Variants in ANKS1B observed in about 807,000 individuals in gnomAD.
ANKS1B encodes the protein ankyrin repeat and sterile alpha motif domain containing 1B.
A neutral mutation model predicts 148.3 loss-of-function variants in ANKS1B; 36 were observed. The observed-to-expected ratio is 0.24, with a 90% CI of 0.19 to 0.32. The LOEUF (loss-of-function observed/expected upper bound fraction) is 0.32. Among genes scored for constraint, ANKS1B ranks in the 10% least tolerant of loss-of-function variants. The probability of loss-of-function intolerance (pLI) is 1.00; values close to 1 mark genes in which losing one functional copy is unlikely to be tolerated. For synonymous variants in ANKS1B, 542 were observed against 560.8 expected, an observed-to-expected ratio of 0.97 and a Z score of 0.47; for missense variants, 1,157 against 1,542.6, an observed-to-expected ratio of 0.75 and a Z score of 4.19.
At chr12:99,194,167 T>C (rs1184452968) in intron 14 of ANKS1B, among the ~76,000 whole-genome samples, 1 of 152,252 alleles carries the variant, frequency 6.6e-6, no homozygotes, top group Non-Finnish European at 1.5e-5. Flanking sequence ...AATACATTTA[T>C]TCATGGGAAT....
At chr12:99,971,746 A>AT (rs1039106761) in intron 1 of ANKS1B, among the ~76,000 whole-genome samples, 20 of 152,168 alleles carry the variant, frequency 1.3e-4, no homozygotes, top group Admixed American at 7.2e-4. Flanking sequence ...TTGCAACACA[A>AT]TTTTTTTAAA....
intron 10 of ANKS1B, among the ~76,000 whole-genome samples, chr12:99,490,337 C>T (rs907636766): frequency 1.3e-5 from 2 of 152,228 alleles, no homozygotes; most frequent in African/African-American, 4.8e-5. Context: ...GAATTCTTAT[C>T]TCCTTCAACA....
chr12:99,462,894 A>T (rs905631845), intron 10 of ANKS1B, among the ~76,000 whole-genome samples: 2 of 152,144 alleles, frequency 1.3e-5, no homozygotes, highest in Non-Finnish European at 2.9e-5. Flanking sequence ...ATCATGTGAT[A>T]TGCCTTCTCC....
At chr12:99,891,522 C>T (rs969463834) in intron 1 of ANKS1B, among the ~76,000 whole-genome samples, 2 of 151,942 alleles carry the variant, frequency 1.3e-5, no homozygotes, top group South Asian at 4.2e-4. Context: ...GCCCGGCCCT[C>T]GTTGTGATTT....
intron 11 of ANKS1B, among the ~76,000 whole-genome samples, chr12:99,422,730 A>C (rs546067165): frequency 6.6e-6 from 1 of 152,306 alleles, no homozygotes; most frequent in South Asian, 2.1e-4. Flanking sequence ...AATCGAATAA[A>C]ATTTGCATAG....
chr12:98,849,345 T>A (rs2099508874), intron 17 of ANKS1B, among the ~76,000 whole-genome samples: 1 of 152,202 alleles, frequency 6.6e-6, no homozygotes, highest in Non-Finnish European at 1.5e-5. Flanking sequence ...AGGAAAATTA[T>A]GAGCAGAGGT....
At chr12:99,463,051 C>T (rs1265890713) in intron 10 of ANKS1B, among the ~76,000 whole-genome samples, 1 of 152,160 alleles carries the variant, frequency 6.6e-6, no homozygotes. Flanking sequence ...TATTCCTTTA[C>T]AGCAATACAA....
intron 10 of ANKS1B, among the ~76,000 whole-genome samples, chr12:99,445,509 G>A (rs1370271544): frequency 1.3e-5 from 2 of 151,768 alleles, no homozygotes; most frequent in Non-Finnish European, 2.9e-5. Context: ...ATAAACTTTG[G>A]GTGATAATGA....
chr12:98,798,781 A>G, intron 22 of ANKS1B, 153 bp downstream of exon 22: 1 of 532,940 alleles, frequency 1.9e-6, no homozygotes, highest in Admixed American at 3.6e-5. Flanking sequence ...AAGCATAAAC[A>G]TGCAGAAAGC....
chr12:99,514,541 G>A (rs1304487255), intron 9 of ANKS1B, among the ~76,000 whole-genome samples: 3 of 151,998 alleles, frequency 2.0e-5, no homozygotes, highest in Admixed American at 1.3e-4. Context: ...TCCAGCCAAT[G>A]CTACTATCAC....
At chr12:98,970,982 C>T (rs1277677259) in intron 17 of ANKS1B, among the ~76,000 whole-genome samples, 2 of 152,152 alleles carry the variant, frequency 1.3e-5, no homozygotes, top group Non-Finnish European at 2.9e-5. Context: ...CCTCCCCCCA[C>T]CCCAAATTTC....
chr12:99,743,891 T>C (rs2060346465), intron 8 of ANKS1B, among the ~76,000 whole-genome samples: 1 of 152,200 alleles, frequency 6.6e-6, no homozygotes, highest in African/African-American at 2.4e-5. Flanking sequence ...TGAAAAAAGC[T>C]TCATACATCT....
At chr12:98,877,018 C>A (rs2099692816) in intron 17 of ANKS1B, among the ~76,000 whole-genome samples, 1 of 152,128 alleles carries the variant, frequency 6.6e-6, no homozygotes, top group South Asian at 2.1e-4. Flanking sequence ...GCATATATAG[C>A]TAAATTATGC....
chr12:99,159,861 C>T (rs1428951296), intron 14 of ANKS1B, among the ~76,000 whole-genome samples: 2 of 152,124 alleles, frequency 1.3e-5, no homozygotes, highest in Admixed American at 6.5e-5. Context: ...GTATAAGTGT[C>T]CCTTTCTTCT....
chr12:98,811,595 G>A (rs992484717), intron 19 of ANKS1B, among the ~76,000 whole-genome samples: 8 of 152,136 alleles, frequency 5.3e-5, no homozygotes, highest in Non-Finnish European at 1.2e-4. Context: ...TGGAGAGCAC[G>A]GGAATGCATT....
At chr12:99,369,632 T>TC (rs1357894301) in intron 12 of ANKS1B, among the ~76,000 whole-genome samples, 2 of 151,920 alleles carry the variant, frequency 1.3e-5, no homozygotes, top group Non-Finnish European at 2.9e-5. Context: ...GAATGCTCTT[T>TC]TCTATATGTA....
chr12:99,110,828 G>T (rs1452136661), intron 15 of ANKS1B, among the ~76,000 whole-genome samples: 1 of 152,138 alleles, frequency 6.6e-6, no homozygotes, highest in Non-Finnish European at 1.5e-5. Context: ...AAGGGAAAAA[G>T]CTGATAAAAA....
At chr12:98,989,697 T>C (rs1210182964) in intron 17 of ANKS1B, among the ~76,000 whole-genome samples, 2 of 152,196 alleles carry the variant, frequency 1.3e-5, no homozygotes, top group Non-Finnish European at 1.5e-5. Context: ...CCCAGCACTT[T>C]GGGAGGCCAA....
chr12:99,180,696 T>A (rs1049741010), intron 14 of ANKS1B, among the ~76,000 whole-genome samples: 10 of 150,718 alleles, frequency 6.6e-5, no homozygotes, highest in African/African-American at 2.4e-4. Context: ...TTGACCAAAA[T>A]TGAAAGCACC....
Sources: gnomAD v4.1 joint callset for allele counts (sites outside exome capture counted in the v4.1 genomes callset) on GRCh38, gnomAD v4.1.1 for gene constraint, MANE v1.5 for transcripts, NCBI Gene and HGNC (gene_info 2026-07-23, HGNC 2026-07-21) for gene names.